The following DHRS4L2 variants were observed in gnomAD, a reference collection of about 807,000 sequenced individuals.
DHRS4L2 encodes dehydrogenase/reductase 4 like 2.
In DHRS4L2, 22 loss-of-function variants were observed where a neutral mutation model predicts 23.9. That is an observed-to-expected ratio of 0.92 (90% CI 0.66 to 1.31). The LOEUF (loss-of-function observed/expected upper bound fraction) is 1.31, where lower values mean the gene tolerates loss of function less well. DHRS4L2 is among the 40% of genes most tolerant of loss of function. The pLI is 0.00. For synonymous variants in DHRS4L2, 141 were observed against 123.7 expected (o/e 1.14, Z -0.93); for missense variants, 385 against 303.3 (o/e 1.27, Z -2.00).
In DHRS4L2 at chr14:23,975,820, G is replaced by T. The variant is rs146813942; in HGVS notation, c.-176+5488G>T. On this transcript the variant is annotated intron_variant, in intron 1 of 5. Transcript: ENST00000534993. ...TAACACCACACATCTTCAACCATCT[G>T]CTCTTTGACAAACCTGACAGAAACA... 6.2e-3 allele frequency among the ~76,000 whole-genome samples: 937 copies of T among 151,844 alleles called. 24 individuals carry two copies. Among genetic ancestry groups the T allele is most frequent in the Non-Finnish European group, 7.4e-3 (502 of 67,938 alleles).
At chr14:23,975,478 T>C (rs1196120215) in intron 1 of DHRS4L2, among the ~76,000 whole-genome samples, 1 of 151,720 alleles carries the variant, frequency 6.6e-6, no homozygotes, top group African/African-American at 2.4e-5. Context: ...ATAGGAAGAC[T>C]CAATATCATG....
intron 2 of DHRS4L2, 44 bp from the exon 3 acceptor site, chr14:23,994,988 C>G: frequency 6.2e-7 from 1 of 1,607,768 alleles, no homozygotes; most frequent in Non-Finnish European, 8.5e-7. Context: ...ATGCACCTCC[C>G]TTACTTACTG....
At chr14:23,991,286 CCAAATATGAGTCCAAGAAAGTCA>C (rs1434129785) in intron 2 of DHRS4L2, among the ~76,000 whole-genome samples, 2 of 151,650 alleles carry the variant, frequency 1.3e-5, no homozygotes, top group Non-Finnish European at 2.9e-5. Flanking sequence ...TTGGAAAGAG[CCAAATATGAGTCCAAGAAAGTCA>C]CAAATGTGAG....
chr14:23,986,224 T>G (rs1457331239), upstream of DHRS4L2, among the ~76,000 whole-genome samples: 1 of 151,176 alleles, frequency 6.6e-6, no homozygotes, highest in African/African-American at 2.4e-5. Flanking sequence ...TTCCCATACT[T>G]CTTGACTTCC....
At chr14:23,977,928 A>G (rs373495440) in intron 1 of DHRS4L2, among the ~76,000 whole-genome samples, 9 of 151,772 alleles carry the variant, frequency 5.9e-5, no homozygotes, top group Non-Finnish European at 8.8e-5. Flanking sequence ...AACCTTGTAC[A>G]AATAATGTTA....
In DHRS4L2 at chr14:23,991,860, C is replaced by T. The variant is rs569098956; in HGVS notation, c.306+1501C>T. On this transcript the variant is annotated intron_variant, in intron 2 of 7. Coordinates refer to ENST00000335125, the MANE Select transcript of DHRS4L2 (RefSeq NM_198083.4). ...AAGCAATTCTCATGCCTCAGCCTCCCGAGTAGCTAGGATTACAGGCATCCA... is the reference window on the plus strand; with the variant it reads ...AAGCAATTCTCATGCCTCAGCCTCCTGAGTAGCTAGGATTACAGGCATCCA... Among the ~76,000 whole-genome samples, 34 of 151,266 alleles carry T rather than the reference C, an allele frequency of 2.2e-4. 2 individuals carry two copies. Among genetic ancestry groups the T allele is most frequent in the Non-Finnish European group, 4.3e-4 (29 of 67,790 alleles).
chr14:23,972,791 G>T lies in DHRS4L2; in HGVS notation c.-176+2459G>T, dbSNP rs544673810. Among the ~76,000 whole-genome samples, 18 of 152,092 alleles carry T rather than the reference G, an allele frequency of 1.2e-4. No homozygotes were observed. The South Asian group carries it at 3.8e-3, about 32-fold the overall frequency. On this transcript the variant is annotated intron_variant, in intron 1 of 5. Transcript: ENST00000534993. ...CATTATTTCAGTAAAAAGGAATGTA[G>T]TAGGAGGGCAGGGTGATAATAAGGA...
At chr14:23,983,640 AT>A (rs1317068419) in intron 1 of DHRS4L2, among the ~76,000 whole-genome samples, 1 of 151,804 alleles carries the variant, frequency 6.6e-6, no homozygotes, top group Non-Finnish European at 1.5e-5. Context: ...CCAAATGCCC[AT>A]CAATGATAGA....
At chr14:24,000,742 C>A in intron 3 of DHRS4L2, 121 bp from the exon 4 acceptor site, 5 of 835,738 alleles carry the variant, frequency 6.0e-6, no homozygotes, top group Non-Finnish European at 7.5e-6. Context: ...GCAGGTATAT[C>A]ATCCTAAGAT....
Position 23,982,328 on chromosome 14 carries a change from A to C in DHRS4L2, c.-175-7854A>C, listed in dbSNP as rs1172314958. Among the ~76,000 whole-genome samples, 16 of 151,774 alleles carry C rather than the reference A, an allele frequency of 1.1e-4. No homozygotes were observed. The East Asian group carries it at 2.3e-3, about 22-fold the overall frequency. ...AGATCCCTTAAACCTTGGTTCCATA[A>C]AACACATGTTTCTGTGAGCTCAAGG... On this transcript the variant is annotated intron_variant, in intron 1 of 5. Transcript: ENST00000534993.
intron 2 of DHRS4L2, among the ~76,000 whole-genome samples, chr14:23,994,679 C>T (rs1566497273): frequency 1.3e-5 from 2 of 151,664 alleles, no homozygotes; most frequent in African/African-American, 2.4e-5. Context: ...CAGAGCAAGA[C>T]TCCATCTAAA....
At chr14:23,985,025 C>G (rs1201109518), upstream of DHRS4L2, among the ~76,000 whole-genome samples, 1 of 151,300 alleles carries the variant, frequency 6.6e-6, no homozygotes, top group African/African-American at 2.4e-5. Flanking sequence ...AGCTGCTTGA[C>G]TTAGTGTAGG....
chr14:23,994,907 C>T, intron 2 of DHRS4L2, 125 bp from the exon 3 acceptor site: 1 of 1,230,742 alleles, frequency 8.1e-7, no homozygotes, highest in Non-Finnish European at 1.2e-6. Flanking sequence ...CCTTGGCCTC[C>T]CAAAGTGCTA....
At position 23,993,841 on chromosome 14, in the gene DHRS4L2, G is replaced by A. The variant is rs146574006; in HGVS notation, c.307-1191G>A. On this transcript the variant is annotated intron_variant, in intron 2 of 7. Transcript: ENST00000335125. ...CCCATCATGGCTCTCCTGGGCAGCTGGTTTACTAATGACCCCAACTCACTT... is the reference window on the plus strand; with the variant it reads ...CCCATCATGGCTCTCCTGGGCAGCTAGTTTACTAATGACCCCAACTCACTT... Among the ~76,000 whole-genome samples, 83 of 151,656 alleles carry A rather than the reference G, an allele frequency of 5.5e-4. 3 individuals carry two copies. The highest frequency in any genetic ancestry group is 6.8e-3 in the Middle Eastern group (2 of 294).
chr14:23,981,522 G>A (rs578087496), intron 1 of DHRS4L2, among the ~76,000 whole-genome samples: 12 of 151,760 alleles, frequency 7.9e-5, no homozygotes, highest in Non-Finnish European at 1.3e-4. Context: ...CCACACCTGT[G>A]GGTATTTCTT....
intron 6 of DHRS4L2, among the ~76,000 whole-genome samples, chr14:24,003,913 A>G (rs2034519865): frequency 1.3e-5 from 1 of 79,730 alleles, no homozygotes; most frequent in Admixed American, 1.1e-4. Flanking sequence ...TAGATAAACA[A>G]TCATGTCGTC....
exon 1 of DHRS4L2, chr14:23,970,194 C>T (rs2033822029): frequency 2.2e-6 from 1 of 455,024 alleles, no homozygotes; most frequent in Non-Finnish European, 4.4e-6. Flanking sequence ...AGATCCAGCA[C>T]GTTCCTTCCG....
At position 23,992,075 on chromosome 14, in the gene DHRS4L2, A is replaced by G. The variant is rs1166857067; in HGVS notation, c.306+1716A>G. 1.3e-5 allele frequency among the ~76,000 whole-genome samples: 2 copies of G among 151,670 alleles called. 1 individual carries two copies. Among genetic ancestry groups the G allele is most frequent in the African/African-American group, 4.8e-5 (2 of 41,330 alleles). ...GATACGTTAAGGACCTTAAAAGGAT[A>G]TGGCCTCTTAAAAGGATATGTTTAC... On this transcript the variant is annotated intron_variant, in intron 2 of 7. Transcript: ENST00000335125.
At chr14:23,987,619 C>T (rs1038069800), upstream of DHRS4L2, among the ~76,000 whole-genome samples, 3 of 151,684 alleles carry the variant, frequency 2.0e-5, no homozygotes, top group South Asian at 2.1e-4. Context: ...CATCTCTAAA[C>T]CTACCCATCT....
Sources: allele counts gnomAD v4.1 joint callset (sites outside exome capture counted in the v4.1 genomes callset), GRCh38; gene constraint gnomAD v4.1.1; transcripts MANE v1.5; gene names NCBI Gene and HGNC (gene_info 2026-07-23, HGNC 2026-07-21).